The following SPRED2 variants were observed in gnomAD, a reference collection of about 807,000 sequenced individuals.
SPRED2 encodes the protein sprouty related EVH1 domain containing 2.
Under a neutral mutation model 43.0 loss-of-function variants are expected in SPRED2, and 47 were observed. The observed-to-expected ratio is 1.09, with a 90% CI of 0.87 to 1.40. The LOEUF (loss-of-function observed/expected upper bound fraction) is 1.40. Ranked by LOEUF, SPRED2 falls within the 40% of genes most tolerant of loss-of-function variation. The pLI, the probability that SPRED2 is intolerant of heterozygous loss-of-function variation, is 0.00. For missense variants in SPRED2, 561 were observed against 586.4 expected (o/e 0.96, Z 0.45); for synonymous variants, 225 against 225.7 (o/e 1.00, Z 0.03).
intron 1 of SPRED2, among the ~76,000 whole-genome samples, chr2:65,424,620 C>A (rs1470122424): frequency 1.3e-5 from 2 of 151,802 alleles, no homozygotes; most frequent in Admixed American, 1.3e-4. Context: ...GAGCAAGACC[C>A]CATCTCTAAA....
rs1673097038 is a variant in SPRED2 at position 65,312,488 on chromosome 2, T to C, written c.*1013A>G. ...AAGCTCCCTATGGTTTTATTCACCA[T>C]AACCTTAGTGTTTCTCAACTGGAAC... On this transcript the variant is annotated 3_prime_UTR_variant, in exon 6 of 6. Transcript: ENST00000356388. 1 of 985,320 alleles carries C rather than the reference T, an allele frequency of 1.0e-6. No individual in the cohort carries two copies. The highest frequency in any genetic ancestry group is 4.7e-5 in the South Asian group (1 of 21,278). The allele number at this position is 985,320 out of a possible 1,614,324, so 61.0% of individuals were successfully genotyped here. A position where few individuals can be genotyped will look rare whatever the true frequency, so the allele number is the denominator to read the frequency against.
chr2:65,362,865 A>AAAAAG lies in SPRED2; in HGVS notation c.27-17974_27-17970dup, dbSNP rs1449574656. Among the ~76,000 whole-genome samples, 18 of 150,656 alleles carry AAAAAG rather than the reference A, an allele frequency of 1.2e-4. No homozygotes were observed. The East Asian group carries it at 3.0e-3, about 25-fold the overall frequency. ...AAGAGTGAAACTCCATTTCAAAAAA[A>AAAAAG]AAAAGAAAAGAAAAGAAAAGAAAAA... On this transcript the variant is annotated intron_variant, in intron 1 of 5. Coordinates refer to ENST00000356388, the MANE Select transcript of SPRED2 (RefSeq NM_181784.3).
intron 1 of SPRED2, among the ~76,000 whole-genome samples, chr2:65,401,937 G>GTGCACACACACACA (rs1553426614): frequency 7.8e-5 from 9 of 114,762 alleles, no homozygotes; most frequent in African/African-American, 3.0e-4. Context: ...GCGCGCGCGC[G>GTGCACACACACACA]CACACACACA....
chr2:65,361,930 C>A (rs1674826086), intron 1 of SPRED2, among the ~76,000 whole-genome samples: 1 of 152,212 alleles, frequency 6.6e-6, no homozygotes, highest in African/African-American at 2.4e-5. Context: ...CAACAGGCAA[C>A]CCATCTCCTC....
chr2:65,427,192 C>T (rs919203622), intron 1 of SPRED2, among the ~76,000 whole-genome samples: 1 of 152,168 alleles, frequency 6.6e-6, no homozygotes, highest in Non-Finnish European at 1.5e-5. Flanking sequence ...TCCCCTCAGC[C>T]TCCTGAGTAG....
chr2:65,393,387 A>G lies in SPRED2; in HGVS notation c.26+38575T>C, dbSNP rs543157290. Reference sequence around the variant, plus strand: ...GGCTCTGTCTCCCAGGCTGGAGTGCAGTGGCACAATCTCGGCTCACTGCAA... The same window carrying G: ...GGCTCTGTCTCCCAGGCTGGAGTGCGGTGGCACAATCTCGGCTCACTGCAA... On this transcript the variant is annotated intron_variant, in intron 1 of 5. Transcript: ENST00000356388. 2.4e-4 allele frequency among the ~76,000 whole-genome samples: 36 copies of G among 147,954 alleles called. 1 individual carries two copies. In the East Asian group the frequency reaches 7.1e-3, roughly 29 times the overall value.
intron 2 of SPRED2, among the ~76,000 whole-genome samples, chr2:65,338,714 C>T (rs1016121520): frequency 1.3e-5 from 2 of 151,910 alleles, no homozygotes; most frequent in East Asian, 2.0e-4. Flanking sequence ...TCTGCCCGGC[C>T]GCCACCCCGT....
intron 2 of SPRED2, among the ~76,000 whole-genome samples, chr2:65,340,930 C>T (rs1003043652): frequency 6.6e-6 from 1 of 152,118 alleles, no homozygotes; most frequent in Non-Finnish European, 1.5e-5. Flanking sequence ...CAATAACTCA[C>T]CACATTTGCA....
chr2:65,395,365 C>T (rs1173570203), intron 1 of SPRED2, among the ~76,000 whole-genome samples: 2 of 152,178 alleles, frequency 1.3e-5, no homozygotes, highest in African/African-American at 4.8e-5. Context: ...AGGACTTTCC[C>T]CCTTCCCCTT....
At chr2:65,413,533 A>T (rs1206414335) in intron 1 of SPRED2, among the ~76,000 whole-genome samples, 1 of 152,216 alleles carries the variant, frequency 6.6e-6, no homozygotes, top group Non-Finnish European at 1.5e-5. Flanking sequence ...AACAACAGAG[A>T]ATTGGTTATC....
At chr2:65,404,098 A>G (rs1241000999) in intron 1 of SPRED2, among the ~76,000 whole-genome samples, 1 of 151,966 alleles carries the variant, frequency 6.6e-6, no homozygotes, top group Non-Finnish European at 1.5e-5. Flanking sequence ...CCAGCTACTC[A>G]GGAGGCTGAG....
At chr2:65,324,592 C>T (rs188918755) in intron 4 of SPRED2, among the ~76,000 whole-genome samples, 1 of 152,130 alleles carries the variant, frequency 6.6e-6, no homozygotes, top group Non-Finnish European at 1.5e-5. Flanking sequence ...TATGGAGGGA[C>T]CTTGAGTTTA....
rs1264931216 is a variant in SPRED2 at position 65,312,449 on chromosome 2, G to C, written c.*1052C>G. ...CTCCCCATTAATATAAAATAGCCAGGGGTTGGGGGGAAGAAGCTCCCTATG... is the reference window on the plus strand; with the variant it reads ...CTCCCCATTAATATAAAATAGCCAGCGGTTGGGGGGAAGAAGCTCCCTATG... On this transcript the variant is annotated 3_prime_UTR_variant, in exon 6 of 6. Coordinates refer to ENST00000356388, the MANE Select transcript of SPRED2 (RefSeq NM_181784.3). The C allele has an allele frequency of 4.0e-5, 39 of 985,246 alleles. No individual in the cohort carries two copies. Among genetic ancestry groups the C allele is most frequent in the Non-Finnish European group, 4.7e-5 (39 of 829,938 alleles). The allele number at this position is 985,246 out of a possible 1,614,324, so 61.0% of individuals were successfully genotyped here. A position where few individuals can be genotyped will look rare whatever the true frequency, so the allele number is the denominator to read the frequency against.
intron 1 of SPRED2, among the ~76,000 whole-genome samples, chr2:65,430,242 T>G (rs1676646140): frequency 6.6e-6 from 1 of 152,168 alleles, no homozygotes. Context: ...CATTTTAAGA[T>G]GCTATATACG....
At chr2:65,340,100 G>T (rs1022050940) in intron 2 of SPRED2, among the ~76,000 whole-genome samples, 2 of 152,054 alleles carry the variant, frequency 1.3e-5, no homozygotes, top group Non-Finnish European at 2.9e-5. Flanking sequence ...ACAGTTATTT[G>T]CCATAAAATG....
chr2:65,373,441 G>C (rs896015159), intron 1 of SPRED2, among the ~76,000 whole-genome samples: 2 of 152,188 alleles, frequency 1.3e-5, no homozygotes, highest in African/African-American at 4.8e-5. Flanking sequence ...TCACACACCA[G>C]TCCAAAAGGA....
intron 1 of SPRED2, among the ~76,000 whole-genome samples, chr2:65,398,763 G>A (rs1362984995): frequency 2.0e-5 from 3 of 152,228 alleles, no homozygotes; most frequent in Non-Finnish European, 4.4e-5. Flanking sequence ...CTTTTACACT[G>A]TTGGTGGGAA....
chr2:65,403,190 A>G (rs934223094), intron 1 of SPRED2, among the ~76,000 whole-genome samples: 2 of 152,258 alleles, frequency 1.3e-5, no homozygotes, highest in African/African-American at 4.8e-5. Flanking sequence ...ACCAAACAAC[A>G]GCCTCCTAAG....
At chr2:65,343,374 A>G (rs1479754023) in intron 2 of SPRED2, among the ~76,000 whole-genome samples, 1 of 152,242 alleles carries the variant, frequency 6.6e-6, no homozygotes, top group African/African-American at 2.4e-5. Flanking sequence ...TGAAAATAAC[A>G]TTTCTGTTAA....
Sources: allele counts gnomAD v4.1 joint callset (sites outside exome capture counted in the v4.1 genomes callset), GRCh38; gene constraint gnomAD v4.1.1; transcripts MANE v1.5; gene names NCBI Gene and HGNC (gene_info 2026-07-23, HGNC 2026-07-21).